The following DRP2 variants were observed in gnomAD, a reference collection of about 807,000 sequenced individuals.
DRP2 encodes the protein dystrophin-related protein 2.
A neutral mutation model predicts 78.2 loss-of-function variants in DRP2; 29 were observed. The observed-to-expected ratio is 0.37, with a 90% CI of 0.28 to 0.51. DRP2 has a LOEUF of 0.51. DRP2 is among the 20% of genes least tolerant of loss of function. The pLI is 0.94. For missense variants in DRP2, 686 were observed against 770.6 expected, an observed-to-expected ratio of 0.89 and a Z score of 1.30; for synonymous variants, 290 against 281.9, an observed-to-expected ratio of 1.03 and a Z score of -0.29.
At chrX:101,232,067 C>T (rs980041591) in intron 3 of DRP2, among the ~76,000 whole-genome samples, 1 of 110,614 alleles carries the variant, frequency 9.0e-6, no homozygotes, top group Non-Finnish European at 1.9e-5. Flanking sequence ...AGAGTATGAT[C>T]CTTCAGGGCA....
At chrX:101,246,969 T>C (rs999300438) in intron 11 of DRP2, 121 bp from the exon 12 acceptor site, 3 of 534,614 alleles carry the variant, frequency 5.6e-6, no homozygotes, top group Admixed American at 3.7e-5. Context: ...CCCACTCTTG[T>C]TGACACTTGC....
chrX:101,255,086 C>T lies in DRP2; in HGVS notation c.2181-98C>T, dbSNP rs777422125. On this transcript the variant is annotated intron_variant, in intron 19 of 23. Coordinates refer to ENST00000395209, the MANE Select transcript of DRP2 (RefSeq NM_001939.3). Reference sequence around the variant, plus strand: ...CAACACTTAGGAGTAGTTGGGGCAGCTCTCAAAGCCAATGATCCTGCTGTG... The same window carrying T: ...CAACACTTAGGAGTAGTTGGGGCAGTTCTCAAAGCCAATGATCCTGCTGTG... 1.8e-5 allele frequency: 19 copies of T among 1,064,123 alleles called. No homozygotes were observed. In the South Asian group the frequency reaches 3.7e-4, roughly 21 times the overall value. The allele number at this position is 1,064,123 out of a possible 1,213,427, so 87.7% of individuals were successfully genotyped here.
chrX:101,234,420 G>A (rs994864396), intron 3 of DRP2, among the ~76,000 whole-genome samples: 2 of 113,071 alleles, frequency 1.8e-5, no homozygotes, highest in East Asian at 2.8e-4. Context: ...GGAGTGAACC[G>A]GAATTCTCCA....
chrX:101,222,167 A>G (rs770452325), intron 1 of DRP2, among the ~76,000 whole-genome samples: 2 of 111,613 alleles, frequency 1.8e-5, no homozygotes, highest in African/African-American at 6.5e-5. Context: ...TGTAACGCAT[A>G]TTAAAGACTC....
In DRP2 at chrX:101,239,096, G is replaced by T. The variant is rs745348781; in HGVS notation, c.554G>T (p.Ser185Ile). The T allele has an allele frequency of 5.8e-6, 7 of 1,206,883 alleles. No individual in the cohort carries two copies. The highest frequency in any genetic ancestry group is 7.8e-6 in the Non-Finnish European group (7 of 894,158). ...FEELEEPHSE[S>I]KDTSPKQRIQ... is the part of the protein sequence containing the mutation. ...GAGTTAGAGGAGCCTCATTCTGAGA[G>T]CAAAGGTAGGTGGTCTTCTGTTTTT... The change falls in exon 6 of 24, where the codon AGC (serine) becomes ATC (isoleucine). Residue 185 changes from serine to isoleucine, a missense_variant. By Grantham distance (142) the Ser-to-Ile change is moderately radical. Transcript: ENST00000395209.
intron 14 of DRP2, among the ~76,000 whole-genome samples, chrX:101,248,963 A>C (rs1048677589): frequency 8.9e-6 from 1 of 112,241 alleles, no homozygotes; most frequent in Admixed American, 9.4e-5. Context: ...AGCTCAAGCC[A>C]TGTCACTAGA....
chrX:101,257,584 C>T (rs140681939), intron 21 of DRP2, among the ~76,000 whole-genome samples: 9 of 108,432 alleles, frequency 8.3e-5, no homozygotes, highest in Non-Finnish European at 1.7e-4. Flanking sequence ...TGATGAATTA[C>T]GTGGTGTGAG....
intron 4 of DRP2, among the ~76,000 whole-genome samples, chrX:101,236,946 A>C (rs990644971): frequency 4.5e-5 from 5 of 111,809 alleles, no homozygotes; most frequent in Non-Finnish European, 9.4e-5. Context: ...TGATGGCTGC[A>C]CATATCCTTG....
intron 3 of DRP2, 47 bp from the exon 4 acceptor site, chrX:101,235,813 G>A (rs756788753): frequency 2.5e-5 from 29 of 1,164,441 alleles, no homozygotes; most frequent in African/African-American, 1.8e-5. Flanking sequence ...TGCAGACCAG[G>A]GTGTGGCACA....
At chrX:101,223,075 G>A (rs922442527) in intron 1 of DRP2, among the ~76,000 whole-genome samples, 5 of 111,400 alleles carry the variant, frequency 4.5e-5, no homozygotes, top group Non-Finnish European at 9.4e-5. Flanking sequence ...GAAGTGAAGT[G>A]GTGTGATCAT....
intron 7 of DRP2, 104 bp downstream of exon 7, chrX:101,242,040 T>A: frequency 1.0e-6 from 1 of 959,350 alleles, no homozygotes; most frequent in Non-Finnish European, 1.4e-6. Flanking sequence ...TGGCCTGGAC[T>A]ACAACTGAGT....
In DRP2 at chrX:101,264,286, A is replaced by C. The variant is rs2147359739; in HGVS notation, c.*3665A>C. ...TATGGCAGTATTGAGGCCTGACCGA[A>C]GTCTGGTATGCTGCTTGCTGGCTAC... On this transcript the variant is annotated 3_prime_UTR_variant, in exon 24 of 24. Transcript: ENST00000395209. The C allele has an allele frequency of 9.0e-6, 1 of 111,647 alleles. No homozygotes were observed. The highest frequency in any genetic ancestry group is 2.8e-4 in the East Asian group (1 of 3,529). 9.2% of individuals were successfully genotyped at this position (111,647 alleles called of 1,213,427 possible).
rs1352538636 is a variant in DRP2 at position 101,262,203 on chromosome X, G to A, written c.*1582G>A. 9.0e-6 allele frequency: 1 copy of A among 111,349 alleles called. No individual in the cohort carries two copies. The highest frequency in any genetic ancestry group is 1.9e-5 in the Non-Finnish European group (1 of 53,101). 9.2% of individuals were successfully genotyped at this position (111,349 alleles called of 1,213,427 possible). On this transcript the variant is annotated 3_prime_UTR_variant, in exon 24 of 24. Coordinates refer to ENST00000395209, the MANE Select transcript of DRP2 (RefSeq NM_001939.3). Reference sequence around the variant, plus strand: ...GGGGTGGGCTGTCCTCAAGACCAAAGCAACAGAAACCTGTGGTCACAGAGA... The same window carrying A: ...GGGGTGGGCTGTCCTCAAGACCAAAACAACAGAAACCTGTGGTCACAGAGA...
At chrX:101,238,808 T>A (rs773365819) in intron 5 of DRP2, among the ~76,000 whole-genome samples, 173 bp from the exon 6 acceptor site, 8 of 111,446 alleles carry the variant, frequency 7.2e-5, no homozygotes, top group Non-Finnish European at 1.5e-4. Context: ...CAGAGTTATT[T>A]TTCTGTCTAT....
intron 8 of DRP2, 97 bp downstream of exon 8, chrX:101,242,568 G>A: frequency 2.9e-6 from 3 of 1,037,194 alleles, no homozygotes; most frequent in Non-Finnish European, 3.9e-6. Context: ...GATCTGCATG[G>A]GAAAAGAGGA....
Position 101,254,561 on chromosome X carries a change from C to T in DRP2, c.2114C>T (p.Thr705Met), listed in dbSNP as rs773231267. 9.4e-5 allele frequency: 114 copies of T among 1,210,211 alleles called. No homozygotes were observed. Among genetic ancestry groups the T allele is most frequent in the Admixed American group, 3.7e-4 (17 of 45,809 alleles). The change falls in exon 18 of 24, where the codon ACG becomes ATG. Residue 705 changes from threonine to methionine, a missense_variant and splice_region_variant. By Grantham distance (81) the Thr-to-Met change is moderately conservative. This residue lies in a region of DRP2 where 423 missense variants were observed against 531.5 expected (regional missense o/e 0.80). Coordinates refer to ENST00000395209, the MANE Select transcript of DRP2 (RefSeq NM_001939.3). ...QSVLEADYSETPASSPMWPHA... is the reference protein window; with the variant it reads ...QSVLEADYSEMPASSPMWPHA... ...GTGCTGGAGGCTGACTACAGTGAGA[C>T]GTGAGTACTGGTGGCTGAGCAGGGG... is the stretch of plus-strand genomic sequence containing the variant.
chrX:101,242,831 C>G (rs1320223820), intron 8 of DRP2, 73 bp from the exon 9 acceptor site: 1 of 1,019,541 alleles, frequency 9.8e-7, no homozygotes, highest in African/African-American at 1.9e-5. Flanking sequence ...CATAAAGATT[C>G]CCAGAGGCAC....
At position 101,248,574 on chromosome X, in the gene DRP2, C is replaced by T. The variant is rs1165167295; in HGVS notation, c.1515C>T (p.Gly505=). Residue 505 remains glycine (G), a synonymous_variant, in exon 14 of 24, where the codon GGC becomes GGT. Transcript: ENST00000395209. Reference sequence around the variant, plus strand: ...AGACTGGCATTGCATGCTTGTGTGGCACGGAAGTGAAGGAAAAACTTCAGT... The same window carrying T: ...AGACTGGCATTGCATGCTTGTGTGGTACGGAAGTGAAGGAAAAACTTCAGT... ...SFKTGIACLC[G]TEVKEKLQYL... is the part of the protein sequence containing the mutation. 8.3e-7 allele frequency: 1 copy of T among 1,210,310 alleles called. No individual in the cohort carries two copies. The highest frequency in any genetic ancestry group is 1.1e-6 in the Non-Finnish European group (1 of 895,197).
chrX:101,256,181 A>T lies in DRP2; in HGVS notation c.2310A>T (p.Gly770=). 1 of 1,208,706 alleles carries T rather than the reference A, an allele frequency of 8.3e-7. No individual in the cohort carries two copies. Among genetic ancestry groups the T allele is most frequent in the Non-Finnish European group, 1.1e-6 (1 of 894,187 alleles). Residue 770 remains glycine (G), a synonymous_variant, in exon 21 of 24, where the codon GGA becomes GGT. Coordinates refer to ENST00000395209, the MANE Select transcript of DRP2 (RefSeq NM_001939.3). The part of the protein sequence containing the change: ...SPITDREPAF[G]QQAPCSVATE... ...TCACAGACCGGGAGCCAGCCTTTGG[A>T]CAGCAGGCTCCATGCAGTGTGGCCA...
Sources: gnomAD v4.1 joint callset for allele counts (sites outside exome capture counted in the v4.1 genomes callset) on GRCh38, gnomAD v4.1.1 for gene constraint, gnomAD v4.1.1 regional missense constraint, MANE v1.5 for transcripts, NCBI Gene and HGNC (gene_info 2026-07-23, HGNC 2026-07-21) for gene names.